GPRC5C: variants seen among roughly 807,000 people sequenced by gnomAD.
GPRC5C encodes the protein G protein-coupled receptor class C group 5 member C.
GPRC5C carries 22 observed loss-of-function variants against 31.4 expected under a neutral mutation model. That is an observed-to-expected ratio of 0.70 (90% CI 0.50 to 1.00). The LOEUF is 1.00. Among genes scored for constraint, GPRC5C ranks in the 50% least tolerant of loss-of-function variants. GPRC5C has a pLI of 0.00. For missense variants in GPRC5C, 557 were observed against 597.2 expected, an observed-to-expected ratio of 0.93 and a Z score of 0.70; for synonymous variants, 249 against 257.5, an observed-to-expected ratio of 0.97 and a Z score of 0.32.
chr17:74,447,039 G>A lies in GPRC5C; in HGVS notation c.*11G>A, dbSNP rs751587755. 2.6e-5 allele frequency: 42 copies of A among 1,603,134 alleles called. No individual in the cohort carries two copies. The highest frequency in any genetic ancestry group is 3.6e-5 in the Non-Finnish European group (42 of 1,171,164). ...TACGTGTGGGACTGAGTCAGCGGTG[G>A]CGAGGAGAGGCGGGCGGATTTGGGG... On this transcript the variant is annotated 3_prime_UTR_variant, in exon 4 of 4. Coordinates refer to ENST00000392627, the MANE Select transcript of GPRC5C (RefSeq NM_022036.4).
chr17:74,439,056 C>T (rs993216531), intron 1 of GPRC5C, among the ~76,000 whole-genome samples: 10 of 152,102 alleles, frequency 6.6e-5, no homozygotes, highest in Admixed American at 2.0e-4. Context: ...GTTAATGCTC[C>T]GAAGGAAAAT....
chr17:74,444,030 G>T, intron 3 of GPRC5C, 118 bp downstream of exon 3: 1 of 698,352 alleles, frequency 1.4e-6, no homozygotes, highest in Admixed American at 2.8e-5. Context: ...TAAGGGGAAG[G>T]CAAGCTTCTC....
chr17:74,440,523 A>G lies in GPRC5C; in HGVS notation c.747A>G (p.Thr249=), dbSNP rs922570173. 3.7e-6 allele frequency: 6 copies of G among 1,614,148 alleles called. No individual in the cohort carries two copies. The highest frequency in any genetic ancestry group is 5.1e-6 in the Non-Finnish European group (6 of 1,180,028). ...ATGGGGTCTTTGTGCTCCTCACCAC[A>G]GCCACCTCCGTTGCCATATGGGTGG... The part of the protein sequence containing the change: ...RKHGVFVLLT[T]ATSVAIWVVW... The change falls in exon 2 of 4, where the codon ACA becomes ACG. Residue 249 remains threonine (T), a synonymous_variant. Coordinates refer to ENST00000392627, the MANE Select transcript of GPRC5C (RefSeq NM_022036.4). This position sits in a 1 kb window ranked among gnomAD's most constrained non-coding sequence, Gnocchi z 4.4.
At position 74,439,434 on chromosome 17, in the gene GPRC5C, C is replaced by T. The variant is rs77460092; in HGVS notation, c.-32-311C>T. Among the ~76,000 whole-genome samples, 17 of 152,244 alleles carry T rather than the reference C, an allele frequency of 1.1e-4. No individual in the cohort carries two copies. In the East Asian group the frequency reaches 2.7e-3, roughly 24 times the overall value. ...AAGCCCCTTCATCCTCCACCGTGGC[C>T]GCCAGAGCTCAGGGAATATCTGAAC... On this transcript the variant is annotated intron_variant, in intron 1 of 3. Transcript: ENST00000392627.
chr17:74,433,702 AC>A (rs933898836), intron 1 of GPRC5C: 13 of 1,612,010 alleles, frequency 8.1e-6, no homozygotes, highest in Non-Finnish European at 1.0e-5. Context: ...CCCTGGGGGA[AC>A]CTCCCTGAAG....
chr17:74,445,806 G>T (rs2144445303), intron 3 of GPRC5C: 1 of 152,244 alleles, frequency 6.6e-6, no homozygotes, highest in South Asian at 2.1e-4. Context: ...CCCACAGCTG[G>T]TGTCTCTCAC....
downstream of GPRC5C, chr17:74,449,009 T>G: frequency 2.6e-6 from 2 of 764,374 alleles, no homozygotes; most frequent in Non-Finnish European, 3.9e-6. Flanking sequence ...GCCAGGGGGC[T>G]GCCAGGCCGG....
chr17:74,439,784 T>C lies in GPRC5C; in HGVS notation c.8T>C (p.Ile3Thr). The change falls in exon 2 of 4, where the codon ATC becomes ACC. Residue 3 changes from isoleucine (I) to threonine (T), a missense_variant. Coordinates refer to ENST00000392627, the MANE Select transcript of GPRC5C (RefSeq NM_022036.4). ...CCTGGCCTGGGAGCCAGGATGGCCA[T>C]CCACAAAGCCTTGGTGATGTGCCTG... MAIHKALVMCLGL... is the reference protein window; with the variant it reads MATHKALVMCLGL... 6.2e-7 allele frequency: 1 copy of C among 1,610,494 alleles called. No homozygotes were observed. The highest frequency in any genetic ancestry group is 8.5e-7 in the Non-Finnish European group (1 of 1,177,608).
Position 74,440,230 on chromosome 17 carries a change from C to G in GPRC5C, c.454C>G (p.Arg152Gly). 6.2e-7 allele frequency: 1 copy of G among 1,614,190 alleles called. No homozygotes were observed. The highest frequency in any genetic ancestry group is 8.5e-7 in the Non-Finnish European group (1 of 1,180,026). ...NFLARKNHGP[R>G]GWVIFTVALL... ...CCTGGCCCGGAAGAACCACGGGCCC[C>G]GGGGCTGGGTGATCTTCACTGTGGC... The change falls in exon 2 of 4, where the codon CGG becomes GGG. Residue 152 changes from arginine (R) to glycine (G), a missense_variant. Coordinates refer to ENST00000392627, the MANE Select transcript of GPRC5C (RefSeq NM_022036.4). This position sits in a 1 kb window ranked among gnomAD's most constrained non-coding sequence, Gnocchi z 4.4.
At chr17:74,449,648 C>T (rs1421002513), downstream of GPRC5C, 2 of 251,388 alleles carry the variant, frequency 8.0e-6, no homozygotes, top group Non-Finnish European at 1.6e-5. Flanking sequence ...CAACTCCCCT[C>T]TTGACACGCC....
intron 3 of GPRC5C, chr17:74,446,148 AC>A (rs2055631239): frequency 6.6e-6 from 1 of 151,380 alleles, no homozygotes; most frequent in Non-Finnish European, 1.5e-5. Context: ...CAGGCGGTCG[AC>A]TCGGGGTAAT....
intron 1 of GPRC5C, among the ~76,000 whole-genome samples, chr17:74,437,930 A>G (rs960317285): frequency 6.6e-6 from 1 of 152,128 alleles, no homozygotes; most frequent in Non-Finnish European, 1.5e-5. Context: ...ACAACTAGTT[A>G]TTTGAACACG....
downstream of GPRC5C, chr17:74,448,814 C>G (rs1233700245): frequency 8.2e-7 from 1 of 1,225,936 alleles, no homozygotes; most frequent in South Asian, 1.3e-5. Context: ...CTACCGCCCC[C>G]TTTTACAGGT....
At chr17:74,448,760 C>A, downstream of GPRC5C, 1 of 652,244 alleles carries the variant, frequency 1.5e-6, no homozygotes, top group Non-Finnish European at 2.5e-6. Flanking sequence ...TTCAAAATCC[C>A]AGAACTGTAC....
rs760584705 is a variant in GPRC5C at position 74,446,973 on chromosome 17, C to T, written c.1271C>T (p.Pro424Leu). The T allele has an allele frequency of 4.3e-6, 7 of 1,614,166 alleles. No individual in the cohort carries two copies. Among genetic ancestry groups the T allele is most frequent in the Non-Finnish European group, 5.9e-6 (7 of 1,179,992 alleles). The change falls in exon 4 of 4, where the codon CCG (proline) becomes CTG (leucine). Residue 424 changes from proline to leucine, a missense_variant. Physicochemically the swap from Pro to Leu is moderately conservative, Grantham distance 98 (BLOSUM62 -3). Coordinates refer to ENST00000392627, the MANE Select transcript of GPRC5C (RefSeq NM_022036.4). ...GCCCAGAGCCACCAGGCGGCCACAC[C>T]GCCGAAAGACGGCAAGAACTCTCAG... ...YSAQSHQAATPPKDGKNSQVF... is the reference protein window; with the variant it reads ...YSAQSHQAATLPKDGKNSQVF...
At chr17:74,436,310 C>G (rs1056691104) in intron 1 of GPRC5C, among the ~76,000 whole-genome samples, 2 of 152,190 alleles carry the variant, frequency 1.3e-5, no homozygotes, top group Admixed American at 1.3e-4. Flanking sequence ...TTCACCTGCT[C>G]AGTCCTTCCT....
intron 3 of GPRC5C, among the ~76,000 whole-genome samples, chr17:74,444,633 C>T (rs1420055738): frequency 6.6e-6 from 1 of 152,156 alleles, no homozygotes; most frequent in Non-Finnish European, 1.5e-5. Context: ...GTGAGAGCCG[C>T]GGGGCAGGGG....
At position 74,433,692 on chromosome 17, in the gene GPRC5C, C is replaced by G. The variant is rs573713994; in HGVS notation, c.-33+1551C>G. The G allele has an allele frequency of 2.1e-5, 34 of 1,609,704 alleles. 2 individuals are homozygous for G. The South Asian group carries it at 3.6e-4, about 17-fold the overall frequency. ...GAGGAAGGCAAGTGCTCTGTGGTAT[C>G]CCTGGGGGAACCTCCCTGAAGAGTG... On this transcript the variant is annotated intron_variant, in intron 1 of 3. Transcript: ENST00000392627.
At chr17:74,450,064 A>G (rs955507142), downstream of GPRC5C, 8 of 152,554 alleles carry the variant, frequency 5.2e-5, no homozygotes, top group African/African-American at 1.7e-4. Context: ...TCCACAAGCA[A>G]GCCAGGGCCA....
Sources: gnomAD v4.1 joint callset for allele counts (sites outside exome capture counted in the v4.1 genomes callset) on GRCh38, gnomAD v4.1.1 for gene constraint, Gnocchi (gnomAD v3.1) non-coding constraint, MANE v1.5 for transcripts, NCBI Gene and HGNC (gene_info 2026-07-23, HGNC 2026-07-21) for gene names.